GTF2IRD2B: variants seen among roughly 807,000 people sequenced by gnomAD.
The protein encoded by GTF2IRD2B is general transcription factor II-I repeat domain-containing protein 2B.
In GTF2IRD2B, 10 loss-of-function variants were observed where a neutral mutation model predicts 55.6. The ratio of observed to expected loss-of-function variants is 0.18; its 90% confidence interval spans 0.11 to 0.31. The LOEUF (loss-of-function observed/expected upper bound fraction) is 0.31, where lower values mean the gene tolerates loss of function less well. GTF2IRD2B is among the 10% of genes least tolerant of loss of function. The pLI is 1.00. For synonymous variants in GTF2IRD2B, 107 were observed against 320.5 expected, an observed-to-expected ratio of 0.33 and a Z score of 7.12; for missense variants, 206 against 802.7, an observed-to-expected ratio of 0.26 and a Z score of 8.98.
intron 3 of GTF2IRD2B, 176 bp downstream of exon 3, chr7:75,112,711 A>T: frequency 6.6e-7 from 1 of 1,517,914 alleles, no homozygotes; most frequent in Non-Finnish European, 9.0e-7. Context: ...TCCAAGACAA[A>T]TGGTCATTTT....
In GTF2IRD2B at chr7:75,129,946, A is replaced by C. The variant is rs1189631232; in HGVS notation, c.671-3189A>C. 3.4e-5 allele frequency among the ~76,000 whole-genome samples: 5 copies of C among 145,774 alleles called. No individual in the cohort carries two copies. The East Asian group carries it at 1.1e-3, about 31-fold the overall frequency. The stretch of plus-strand genomic sequence containing the variant: ...TGCTTCCTTATTCACAAAACTTCCT[A>C]CTGTAGACTTTATAAAGCGATATGG... On this transcript the variant is annotated intron_variant, in intron 8 of 15. Coordinates refer to ENST00000472837, the MANE Select transcript of GTF2IRD2B (RefSeq NM_001003795.3).
chr7:75,121,289 C>T (rs1808356484), intron 4 of GTF2IRD2B, among the ~76,000 whole-genome samples: 1 of 151,036 alleles, frequency 6.6e-6, no homozygotes, highest in Non-Finnish European at 1.5e-5. Flanking sequence ...CCTGCCTTGG[C>T]CTCCCAAAAT....
At chr7:75,121,562 G>A (rs1808367515) in intron 4 of GTF2IRD2B, among the ~76,000 whole-genome samples, 4 of 139,714 alleles carry the variant, frequency 2.9e-5, no homozygotes. Context: ...GGGTTCAAGC[G>A]ATTCTCCCAC....
chr7:75,114,592 C>T (rs1808080169), intron 3 of GTF2IRD2B, among the ~76,000 whole-genome samples: 1 of 151,506 alleles, frequency 6.6e-6, no homozygotes, highest in Admixed American at 6.6e-5. Flanking sequence ...TCCCTCTTTC[C>T]TCTAGGAGCC....
At chr7:75,093,094 G>A in intron 1 of GTF2IRD2B, among the ~76,000 whole-genome samples, 1 of 152,136 alleles carries the variant, frequency 6.6e-6, no homozygotes, top group South Asian at 2.1e-4. Context: ...TGGGGCGCTC[G>A]CGCTGCGTGC....
intron 1 of GTF2IRD2B, among the ~76,000 whole-genome samples, chr7:75,104,881 A>G (rs1259271212): frequency 6.6e-6 from 1 of 152,416 alleles, no homozygotes; most frequent in East Asian, 1.9e-4. Flanking sequence ...CTCTGTTGCC[A>G]GAACAGAGTC....
intron 1 of GTF2IRD2B, among the ~76,000 whole-genome samples, chr7:75,101,766 C>T (rs1359865404): frequency 4.9e-5 from 7 of 141,976 alleles, no homozygotes; most frequent in South Asian, 2.3e-4. Context: ...TGGTGGTGCA[C>T]GCCTGTAATC....
At chr7:75,103,328 T>C (rs1455526975) in intron 1 of GTF2IRD2B, among the ~76,000 whole-genome samples, 1 of 151,402 alleles carries the variant, frequency 6.6e-6, no homozygotes, top group Non-Finnish European at 1.5e-5. Flanking sequence ...TAGTATCTTC[T>C]TCAATAGACA....
intron 10 of GTF2IRD2B, among the ~76,000 whole-genome samples, chr7:75,136,291 T>A (rs1297242520): frequency 7.5e-6 from 1 of 134,150 alleles, no homozygotes; most frequent in Non-Finnish European, 1.5e-5. Flanking sequence ...ACTACCAAAA[T>A]GATTCTGTTT....
intron 1 of GTF2IRD2B, among the ~76,000 whole-genome samples, chr7:75,106,072 A>G (rs1554450192): frequency 6.6e-6 from 1 of 152,428 alleles, no homozygotes; most frequent in Admixed American, 6.5e-5. Context: ...AATATTTCCA[A>G]ATAACCGCAT....
At chr7:75,112,567 C>T in intron 3 of GTF2IRD2B, 32 bp downstream of exon 3, 1 of 956,714 alleles carries the variant, frequency 1.0e-6, no homozygotes, top group South Asian at 1.4e-5. Context: ...TTTGTATTCC[C>T]AATCTCAAAA....
intron 1 of GTF2IRD2B, among the ~76,000 whole-genome samples, chr7:75,104,053 C>CAAAAAAAA (rs587607735): frequency 4.6e-5 from 4 of 87,748 alleles, no homozygotes; most frequent in Non-Finnish European, 9.3e-5. Flanking sequence ...GACTCCGTCT[C>CAAAAAAAA]AAAAAAAAAA....
intron 1 of GTF2IRD2B, among the ~76,000 whole-genome samples, chr7:75,096,727 C>T (rs1397046890): frequency 1.3e-5 from 2 of 150,850 alleles, no homozygotes; most frequent in African/African-American, 4.9e-5. Flanking sequence ...CGCCTGGCTA[C>T]TAGTATACAT....
rs782391358 is a variant in GTF2IRD2B at position 75,123,123 on chromosome 7, C to T, written c.359-13C>T. ...GGTTCACACCATCCAAAGACGTTTGCGTCTTCTTGTAGGTAAAGCCTTAGG... is the reference window on the plus strand; with the variant it reads ...GGTTCACACCATCCAAAGACGTTTGTGTCTTCTTGTAGGTAAAGCCTTAGG... On this transcript the variant is annotated splice_polypyrimidine_tract_variant and intron_variant, in intron 4 of 15. Transcript: ENST00000472837. The T allele has an allele frequency of 2.0e-5, 31 of 1,540,368 alleles. 1 individual carries two copies. In the East Asian group the frequency reaches 5.0e-4, roughly 25 times the overall value.
intron 8 of GTF2IRD2B, among the ~76,000 whole-genome samples, chr7:75,127,197 G>A (rs1270599164): frequency 6.6e-6 from 1 of 151,248 alleles, no homozygotes; most frequent in Admixed American, 6.6e-5. Flanking sequence ...AACAAGCCTT[G>A]GCAGGGTGTG....
intron 1 of GTF2IRD2B, among the ~76,000 whole-genome samples, chr7:75,102,268 T>A (rs1361139158): frequency 6.6e-6 from 1 of 151,568 alleles, no homozygotes; most frequent in East Asian, 1.9e-4. Context: ...CCCAAAGTGC[T>A]GGGATTACAG....
intron 10 of GTF2IRD2B, among the ~76,000 whole-genome samples, 169 bp downstream of exon 10, chr7:75,135,226 T>C (rs1808800425): frequency 6.7e-6 from 1 of 148,888 alleles, no homozygotes; most frequent in East Asian, 2.0e-4. Context: ...CTCTGCCTCC[T>C]GGGTTCAAGC....
intron 3 of GTF2IRD2B, among the ~76,000 whole-genome samples, chr7:75,114,208 A>T (rs1554451070): frequency 6.6e-6 from 1 of 151,328 alleles, no homozygotes. Flanking sequence ...ACAGATTAAA[A>T]AATGAAGCCA....
chr7:75,113,081 T>C (rs1808023137), intron 3 of GTF2IRD2B, among the ~76,000 whole-genome samples: 1 of 9,838 alleles, frequency 1.0e-4, no homozygotes, highest in Non-Finnish European at 2.5e-4. Context: ...CCTTCCACCA[T>C]GCCCAGCTAA....
Sources: allele counts gnomAD v4.1 joint callset (sites outside exome capture counted in the v4.1 genomes callset), GRCh38; gene constraint gnomAD v4.1.1; transcripts MANE v1.5; gene names NCBI Gene and HGNC (gene_info 2026-07-23, HGNC 2026-07-21).